EIF4G3: variants seen among roughly 807,000 people sequenced by gnomAD.
The protein encoded by EIF4G3 is eIF-4-gamma 3.
In EIF4G3, 34 loss-of-function variants were observed where a neutral mutation model predicts 186.4. The ratio of observed to expected loss-of-function variants is 0.18; its 90% confidence interval spans 0.14 to 0.24. EIF4G3 has a LOEUF of 0.24. Ranked by LOEUF, EIF4G3 falls within the 10% of genes least tolerant of loss-of-function variation. The pLI, the probability that EIF4G3 is intolerant of heterozygous loss-of-function variation, is 1.00. For missense variants in EIF4G3, 1,536 were observed against 1,948.5 expected (o/e 0.79, Z 3.99); for synonymous variants, 673 against 679.5 (o/e 0.99, Z 0.15).
intron 28 of EIF4G3, among the ~76,000 whole-genome samples, chr1:20,849,801 C>T (rs2072660208): frequency 6.6e-6 from 1 of 152,148 alleles, no homozygotes; most frequent in Admixed American, 6.5e-5. Context: ...GATTGCTCCC[C>T]ATTGCTTCAA....
At chr1:20,875,638 G>C (rs2080536177) in intron 20 of EIF4G3, among the ~76,000 whole-genome samples, 1 of 152,208 alleles carries the variant, frequency 6.6e-6, no homozygotes, top group Non-Finnish European at 1.5e-5. Context: ...TAAAAGTCAG[G>C]TGCAATGGCT....
At chr1:20,996,973 T>C (rs949982234) in intron 7 of EIF4G3, among the ~76,000 whole-genome samples, 2 of 152,132 alleles carry the variant, frequency 1.3e-5, no homozygotes, top group Non-Finnish European at 2.9e-5. Context: ...ATGAAACCAA[T>C]AGGATAGAAT....
chr1:21,093,974 G>A (rs2096279035), intron 2 of EIF4G3, among the ~76,000 whole-genome samples: 1 of 152,118 alleles, frequency 6.6e-6, no homozygotes, highest in South Asian at 2.1e-4. Context: ...GAAGGAGGGA[G>A]GGATAGCATT....
At chr1:20,951,075 T>C (rs1033499744) in intron 12 of EIF4G3, among the ~76,000 whole-genome samples, 1 of 152,006 alleles carries the variant, frequency 6.6e-6, no homozygotes, top group Middle Eastern at 3.2e-3. Flanking sequence ...CTTTTTACTT[T>C]TTTTTTTTCT....
Position 20,829,336 on chromosome 1 carries a change from G to A in EIF4G3, c.4062-64C>T. 16 of 1,575,214 alleles carry A rather than the reference G, an allele frequency of 1.0e-5. No homozygotes were observed. The South Asian group carries it at 1.5e-4, about 15-fold the overall frequency. ...AATTCAAAAGTTAAAATTAAATAAAGAGATAAAAAATCAGTCAACAAATAC... is the reference window on the plus strand; with the variant it reads ...AATTCAAAAGTTAAAATTAAATAAAAAGATAAAAAATCAGTCAACAAATAC... On this transcript the variant is annotated intron_variant, in intron 30 of 36. Transcript: ENST00000602326.
At chr1:20,849,381 A>T (rs2154550222) in intron 29 of EIF4G3, 34 bp downstream of exon 29, 1 of 1,201,570 alleles carries the variant, frequency 8.3e-7, no homozygotes, top group Non-Finnish European at 1.2e-6. Context: ...CAAAGGACTT[A>T]CTGTGTGTGT....
At chr1:20,982,348 T>C in intron 8 of EIF4G3, 40 bp downstream of exon 8, 1 of 1,451,996 alleles carries the variant, frequency 6.9e-7, no homozygotes, top group Non-Finnish European at 9.2e-7. Flanking sequence ...ATAAGCAGAC[T>C]GAGTTATAAA....
At chr1:20,957,194 A>C (rs779401961) in intron 12 of EIF4G3, among the ~76,000 whole-genome samples, 9 of 152,194 alleles carry the variant, frequency 5.9e-5, no homozygotes, top group Non-Finnish European at 7.3e-5. Flanking sequence ...GGCAGACTTA[A>C]GAGGGCTTAA....
intron 7 of EIF4G3, among the ~76,000 whole-genome samples, chr1:20,992,515 C>A (rs2081340955): frequency 6.6e-6 from 1 of 152,142 alleles, no homozygotes; most frequent in Non-Finnish European, 1.5e-5. Context: ...CCAAGTAAGA[C>A]ATTTCTTTAT....
intron 24 of EIF4G3, 87 bp downstream of exon 24, chr1:20,860,298 A>G (rs1285167772): frequency 6.4e-7 from 1 of 1,554,262 alleles, no homozygotes; most frequent in Non-Finnish European, 8.7e-7. Context: ...GTTCTTTCTG[A>G]TCTCATTTTA....
intron 2 of EIF4G3, among the ~76,000 whole-genome samples, chr1:21,099,814 C>A (rs1168853319): frequency 6.6e-6 from 1 of 152,110 alleles, no homozygotes; most frequent in African/African-American, 2.4e-5. Context: ...ATAGTCAGTT[C>A]CTCAAAAGGT....
chr1:21,130,913 C>G (rs539418923), intron 2 of EIF4G3, among the ~76,000 whole-genome samples: 2 of 151,960 alleles, frequency 1.3e-5, no homozygotes, highest in African/African-American at 2.4e-5. Context: ...ACAATGTCAG[C>G]AGACTGGGCC....
intron 2 of EIF4G3, among the ~76,000 whole-genome samples, chr1:21,130,711 A>T (rs2097137599): frequency 6.6e-6 from 1 of 152,142 alleles, no homozygotes; most frequent in South Asian, 2.1e-4. Flanking sequence ...CAATAAATAC[A>T]ACCAGATTCA....
intron 2 of EIF4G3, among the ~76,000 whole-genome samples, chr1:21,110,643 C>T (rs2096708450): frequency 6.6e-6 from 1 of 152,102 alleles, no homozygotes; most frequent in Non-Finnish European, 1.5e-5. Flanking sequence ...ATTGGTCAGA[C>T]TGGTCTCGAA....
At chr1:20,909,590 C>T (rs557516349) in intron 14 of EIF4G3, among the ~76,000 whole-genome samples, 9 of 151,692 alleles carry the variant, frequency 5.9e-5, no homozygotes, top group East Asian at 1.9e-4. Context: ...ATTTTATTTC[C>T]GAGATTTAAA....
At chr1:21,065,815 G>T (rs2095214163) in intron 3 of EIF4G3, among the ~76,000 whole-genome samples, 1 of 152,062 alleles carries the variant, frequency 6.6e-6, no homozygotes, top group Non-Finnish European at 1.5e-5. Context: ...TAAACTGTTG[G>T]TTTAAAATCC....
At chr1:20,960,296 T>C (rs1481619579) in intron 12 of EIF4G3, among the ~76,000 whole-genome samples, 1 of 151,914 alleles carries the variant, frequency 6.6e-6, no homozygotes, top group Non-Finnish European at 1.5e-5. Flanking sequence ...CGAAACCCTG[T>C]CTCTACTAAA....
chr1:20,997,771 A>C, intron 6 of EIF4G3, 138 bp from the exon 7 acceptor site: 1 of 653,568 alleles, frequency 1.5e-6, no homozygotes, highest in Non-Finnish European at 2.6e-6. Context: ...CACACAAAAC[A>C]GTCAAAGCTT....
chr1:21,062,271 G>C (rs1207528829), intron 3 of EIF4G3, among the ~76,000 whole-genome samples: 1 of 151,546 alleles, frequency 6.6e-6, no homozygotes, highest in Non-Finnish European at 1.5e-5. Flanking sequence ...TGTTGCCCAG[G>C]CTGGCTTCAA....
Sources: gnomAD v4.1 joint callset for allele counts (sites outside exome capture counted in the v4.1 genomes callset) on GRCh38, gnomAD v4.1.1 for gene constraint, MANE v1.5 for transcripts, NCBI Gene and HGNC (gene_info 2026-07-23, HGNC 2026-07-21) for gene names.